TASP1: variants seen among roughly 807,000 people sequenced by gnomAD.
The protein encoded by TASP1 is threonine aspartase 1.
In TASP1, 16 loss-of-function variants were observed where a neutral mutation model predicts 56.6. The observed-to-expected ratio is 0.28, with a 90% CI of 0.19 to 0.43. The LOEUF is 0.43. Among genes scored for constraint, TASP1 ranks in the 20% least tolerant of loss-of-function variants. The pLI is 1.00. For synonymous variants in TASP1, 179 were observed against 184.2 expected, an observed-to-expected ratio of 0.97 and a Z score of 0.23; for missense variants, 393 against 511.6, an observed-to-expected ratio of 0.77 and a Z score of 2.24.
chr20:13,489,804 T>C (rs971605464), intron 10 of TASP1, among the ~76,000 whole-genome samples: 2 of 152,218 alleles, frequency 1.3e-5, no homozygotes, highest in African/African-American at 4.8e-5. Flanking sequence ...TGCAATTCAG[T>C]GGCATTAAGT....
chr20:13,555,063 G>A (rs2046108737), intron 8 of TASP1, among the ~76,000 whole-genome samples: 2 of 152,022 alleles, frequency 1.3e-5, no homozygotes, highest in Admixed American at 6.6e-5. Context: ...AAACCCTGCC[G>A]TTGCTTTATT....
intron 1 of TASP1, among the ~76,000 whole-genome samples, chr20:13,635,543 A>C (rs2049273940): frequency 1.3e-5 from 2 of 151,958 alleles, no homozygotes; most frequent in African/African-American, 4.8e-5. Context: ...ACGCACCCCC[A>C]TGCCTGGCTA....
At chr20:13,223,167 TA>T in the TASP1 span, among the ~76,000 whole-genome samples, 1 of 129,772 alleles carries the variant, frequency 7.7e-6, no homozygotes, top group African/African-American at 3.2e-5. Flanking sequence ...AAAAAAAAAA[TA>T]AAATAAAATA....
At chr20:13,532,013 T>A (rs969075220) in intron 9 of TASP1, among the ~76,000 whole-genome samples, 4 of 152,162 alleles carry the variant, frequency 2.6e-5, no homozygotes, top group Non-Finnish European at 5.9e-5. Context: ...GTGCTGGGAT[T>A]ACAGAAAACA....
At chr20:13,415,151 A>C (rs2042213568) in intron 13 of TASP1, among the ~76,000 whole-genome samples, 1 of 152,156 alleles carries the variant, frequency 6.6e-6, no homozygotes, top group African/African-American at 2.4e-5. Context: ...TCTCAACATT[A>C]TGGAGGAACA....
chr20:13,615,601 T>C (rs1040987268), intron 4 of TASP1, among the ~76,000 whole-genome samples: 1 of 149,024 alleles, frequency 6.7e-6, no homozygotes, highest in Non-Finnish European at 1.5e-5. Flanking sequence ...ACCTCCTGGG[T>C]TCATGCCATT....
the TASP1 span, among the ~76,000 whole-genome samples, chr20:13,344,357 A>C: frequency 6.6e-6 from 1 of 152,168 alleles, no homozygotes; most frequent in African/African-American, 2.4e-5. Flanking sequence ...AACATTTGGA[A>C]TTAGACTTTT....
the TASP1 span, among the ~76,000 whole-genome samples, chr20:13,247,854 A>T: frequency 6.6e-6 from 1 of 152,170 alleles, no homozygotes; most frequent in Non-Finnish European, 1.5e-5. Context: ...TTTCTCTTTT[A>T]TCCCAGTGTG....
intron 2 of TASP1, among the ~76,000 whole-genome samples, chr20:13,625,487 A>G (rs1272211161): frequency 6.6e-6 from 1 of 152,264 alleles, no homozygotes; most frequent in Middle Eastern, 3.4e-3. Flanking sequence ...CATGTCCCCA[A>G]AGAGGCTTCA....
chr20:13,491,184 A>C (rs1464588416), intron 10 of TASP1, among the ~76,000 whole-genome samples: 1 of 152,198 alleles, frequency 6.6e-6, no homozygotes, highest in Non-Finnish European at 1.5e-5. Context: ...CATTATCAAA[A>C]CAAAACAAAT....
chr20:13,368,195 T>A, the TASP1 span: 1 of 152,314 alleles, frequency 6.6e-6, no homozygotes, highest in African/African-American at 2.4e-5. Flanking sequence ...CTCCCAGGTG[T>A]ATAGTAGAGA....
At chr20:13,513,552 G>C (rs1255911664) in intron 10 of TASP1, among the ~76,000 whole-genome samples, 2 of 152,100 alleles carry the variant, frequency 1.3e-5, no homozygotes, top group East Asian at 3.9e-4. Flanking sequence ...AGAGCAAAAA[G>C]AGAAACATGC....
chr20:13,305,520 A>G, the TASP1 span, among the ~76,000 whole-genome samples: 58 of 152,274 alleles, frequency 3.8e-4, no homozygotes, highest in African/African-American at 1.2e-3. Flanking sequence ...ACAATTTCCA[A>G]TGGAAAAATG....
At chr20:13,122,306 C>T in the TASP1 span, among the ~76,000 whole-genome samples, 1 of 152,246 alleles carries the variant, frequency 6.6e-6, no homozygotes, top group Non-Finnish European at 1.5e-5. Flanking sequence ...GTGACTCAAT[C>T]TGTGATTTAG....
At chr20:13,579,054 T>C (rs1206032699) in intron 6 of TASP1, among the ~76,000 whole-genome samples, 1 of 152,222 alleles carries the variant, frequency 6.6e-6, no homozygotes, top group Non-Finnish European at 1.5e-5. Flanking sequence ...GCTATTTTTC[T>C]TGCCAACCAA....
intron 10 of TASP1, among the ~76,000 whole-genome samples, chr20:13,527,974 C>A (rs898276450): frequency 1.3e-5 from 2 of 151,954 alleles, no homozygotes; most frequent in Non-Finnish European, 2.9e-5. Flanking sequence ...GTAATCCCAG[C>A]ACTTTGGGAG....
chr20:13,629,225 G>T (rs147678883), intron 2 of TASP1, among the ~76,000 whole-genome samples: 1 of 151,894 alleles, frequency 6.6e-6, no homozygotes, highest in African/African-American at 2.4e-5. Context: ...TTAGCCAGAC[G>T]TGATGGTGGA....
chr20:13,276,811 G>A, the TASP1 span, among the ~76,000 whole-genome samples: 1 of 152,162 alleles, frequency 6.6e-6, no homozygotes, highest in African/African-American at 2.4e-5. Context: ...CCTCGCCATT[G>A]GAGAAGTCAT....
chr20:13,143,162 G>T, the TASP1 span, among the ~76,000 whole-genome samples: 2 of 152,114 alleles, frequency 1.3e-5, no homozygotes, highest in Non-Finnish European at 2.9e-5. Flanking sequence ...CATGTCTTGG[G>T]CACCAAAAAG....
Sources: allele counts gnomAD v4.1 joint callset (sites outside exome capture counted in the v4.1 genomes callset), GRCh38; gene constraint gnomAD v4.1.1; transcripts MANE v1.5; gene names NCBI Gene and HGNC (gene_info 2026-07-23, HGNC 2026-07-21).